ACYP2: variants seen among roughly 807,000 people sequenced by gnomAD.
ACYP2 encodes the protein acylphosphatase-2.
A neutral mutation model predicts 11.2 loss-of-function variants in ACYP2; 12 were observed. The observed-to-expected ratio is 1.08, with a 90% confidence interval of 0.69 to 1.74. The LOEUF is 1.74. ACYP2 is among the 40% of genes most tolerant of loss of function. ACYP2 has a pLI of 0.00. For synonymous variants in ACYP2, 43 were observed against 32.2 expected (o/e 1.33, Z -1.13); for missense variants, 134 against 101.9 (o/e 1.31, Z -1.35).
chr2:54,178,452 C>T (rs1289607352), intron 6 of ACYP2, among the ~76,000 whole-genome samples: 2 of 152,194 alleles, frequency 1.3e-5, no homozygotes, highest in Non-Finnish European at 2.9e-5. Context: ...GATGATTGGG[C>T]TGGCTATACT....
At position 54,034,942 on chromosome 2, in the gene ACYP2, G is replaced by A. The variant is rs181706342; in HGVS notation, c.63-16016G>A. Among the ~76,000 whole-genome samples the A allele has an allele frequency of 2.3e-3, 338 of 147,918 alleles. 1 individual carries two copies. The highest frequency in any genetic ancestry group is 7.5e-3 in the African/African-American group (303 of 40,466). On this transcript the variant is annotated intron_variant, in intron 2 of 6. Transcript: ENST00000607452. The stretch of plus-strand genomic sequence containing the variant: ...GGAGAATCGCTTGAACCTGGGAGGC[G>A]GAGGTTGCAGTGAGCTGAGATCATG...
chr2:54,201,646 C>CTTTTTCTTTCTTTCTTTCTTTGTTTCTT (rs1250413188), intron 6 of ACYP2, among the ~76,000 whole-genome samples: 3 of 75,004 alleles, frequency 4.0e-5, no homozygotes, highest in Non-Finnish European at 8.3e-5. Context: ...CTCTTTCTTT[C>CTTTTTCTTTCTTTCTTTCTTTGTTTCTT]TTTCTTTCTT....
chr2:54,244,363 G>A (rs868713789), intron 6 of ACYP2, among the ~76,000 whole-genome samples: 1 of 151,810 alleles, frequency 6.6e-6, no homozygotes, highest in African/African-American at 2.4e-5. Flanking sequence ...CACCACACCC[G>A]GCTAATTTTT....
At chr2:54,169,180 A>G (rs1275623005) in intron 6 of ACYP2, among the ~76,000 whole-genome samples, 5 of 152,146 alleles carry the variant, frequency 3.3e-5, no homozygotes. Flanking sequence ...TCCAGTAGAT[A>G]GTTTCAGCAG....
At chr2:54,027,875 T>G (rs1432595092) in intron 2 of ACYP2, among the ~76,000 whole-genome samples, 1 of 141,766 alleles carries the variant, frequency 7.1e-6, no homozygotes, top group African/African-American at 2.6e-5. Context: ...AGTCTCACAC[T>G]GTTGTCCAGG....
At position 54,259,215 on chromosome 2, in the gene ACYP2, C is replaced by G. The variant is rs757292291; in HGVS notation, c.405-45473C>G. Among the ~76,000 whole-genome samples, 3 of 152,172 alleles carry G rather than the reference C, an allele frequency of 2.0e-5. No homozygotes were observed. The East Asian group carries it at 5.8e-4, about 29-fold the overall frequency. ...ATCTTTGCAGGAAAATCAGAGTTGT[C>G]TCTCTTTTTTAACATATTGTTTGAG... On this transcript the variant is annotated intron_variant, in intron 6 of 6. Coordinates refer to ENST00000607452, the MANE Select transcript of ACYP2 (RefSeq NM_001320586.2).
intron 4 of ACYP2, among the ~76,000 whole-genome samples, chr2:54,101,897 T>G (rs1241742343): frequency 6.6e-6 from 1 of 152,236 alleles, no homozygotes; most frequent in East Asian, 1.9e-4. Context: ...TGTGATACAT[T>G]TGTAGTTACA....
intron 6 of ACYP2, among the ~76,000 whole-genome samples, chr2:54,233,305 C>CTTT (rs1213428258): frequency 3.1e-4 from 40 of 129,212 alleles, no homozygotes; most frequent in African/African-American, 8.6e-4. Context: ...CCCTTCCAAA[C>CTTT]TTTTTTTTTT....
chr2:54,201,607 TC>T (rs1684784854), intron 6 of ACYP2, among the ~76,000 whole-genome samples: 3 of 84,672 alleles, frequency 3.5e-5, no homozygotes, highest in African/African-American at 1.4e-4. Context: ...TTTCTTTCTT[TC>T]TTTCTTTCTT....
At chr2:54,265,198 G>A (rs1433609673) in intron 6 of ACYP2, among the ~76,000 whole-genome samples, 4 of 152,092 alleles carry the variant, frequency 2.6e-5, no homozygotes, top group Admixed American at 2.6e-4. Context: ...AAAGAAAGAG[G>A]TTTAATGGAC....
intron 6 of ACYP2, among the ~76,000 whole-genome samples, chr2:54,262,922 T>C (rs1687845470): frequency 6.6e-6 from 1 of 152,104 alleles, no homozygotes; most frequent in Non-Finnish European, 1.5e-5. Flanking sequence ...TTTATGTATG[T>C]GATAGAAGGT....
chr2:54,074,797 T>C (rs1436915687), intron 4 of ACYP2, among the ~76,000 whole-genome samples: 1 of 152,112 alleles, frequency 6.6e-6, no homozygotes, highest in African/African-American at 2.4e-5. Context: ...GCACTTGCGG[T>C]CTAAAGGCTG....
At chr2:54,155,407 G>A (rs191730144) in intron 6 of ACYP2, among the ~76,000 whole-genome samples, 23 of 151,878 alleles carry the variant, frequency 1.5e-4, no homozygotes, top group African/African-American at 5.1e-4. Context: ...ATTCTTTTCT[G>A]ATAGACTGCA....
chr2:54,178,357 T>C (rs1184887612), intron 6 of ACYP2, among the ~76,000 whole-genome samples: 1 of 152,224 alleles, frequency 6.6e-6, no homozygotes, highest in South Asian at 2.1e-4. Flanking sequence ...TTGAGTTGTT[T>C]ATCCAGTAGT....
In ACYP2 at chr2:54,181,173, A is replaced by G. The variant is rs139265166; in HGVS notation, c.404+42425A>G. Among the ~76,000 whole-genome samples the G allele has an allele frequency of 8.5e-3, 1,294 of 152,332 alleles. 13 individuals carry two copies. The highest frequency in any genetic ancestry group is 0.028 in the African/African-American group (1,178 of 41,578). Reference sequence around the variant, plus strand: ...TAGAAAAATTACCCACTCTCATACCATTAACATTTCTCAAGGGAGTCGGAT... The same window carrying G: ...TAGAAAAATTACCCACTCTCATACCGTTAACATTTCTCAAGGGAGTCGGAT... On this transcript the variant is annotated intron_variant, in intron 6 of 6. Coordinates refer to ENST00000607452, the MANE Select transcript of ACYP2 (RefSeq NM_001320586.2).
chr2:54,177,054 T>A (rs951716914), intron 6 of ACYP2, among the ~76,000 whole-genome samples: 3 of 152,126 alleles, frequency 2.0e-5, no homozygotes, highest in African/African-American at 7.2e-5. Context: ...ATATACAGAT[T>A]TAGAGATTTG....
At chr2:54,078,882 G>A (rs981054729) in intron 4 of ACYP2, among the ~76,000 whole-genome samples, 2 of 152,158 alleles carry the variant, frequency 1.3e-5, no homozygotes, top group African/African-American at 4.8e-5. Flanking sequence ...ACAGGCATGA[G>A]CCACCATGCC....
chr2:54,280,010 G>C (rs1299818292), intron 6 of ACYP2, among the ~76,000 whole-genome samples: 1 of 152,060 alleles, frequency 6.6e-6, no homozygotes, highest in East Asian at 1.9e-4. Context: ...TGCAAGTTGT[G>C]GTTTGTAATT....
chr2:54,092,409 C>T (rs1347595791), intron 4 of ACYP2, among the ~76,000 whole-genome samples: 1 of 152,084 alleles, frequency 6.6e-6, no homozygotes, highest in Non-Finnish European at 1.5e-5. Context: ...TCTCTCCTGC[C>T]CAGTTGTGAT....
Sources: allele counts gnomAD v4.1 joint callset (sites outside exome capture counted in the v4.1 genomes callset), GRCh38; gene constraint gnomAD v4.1.1; transcripts MANE v1.5; gene names NCBI Gene and HGNC (gene_info 2026-07-23, HGNC 2026-07-21).